PRDX2: variants seen among roughly 807,000 people sequenced by gnomAD.
PRDX2 encodes peroxiredoxin 2.
PRDX2 carries 10 observed loss-of-function variants against 19.8 expected under a neutral mutation model. The observed-to-expected ratio is 0.50, with a 90% confidence interval of 0.31 to 0.86. PRDX2 has a LOEUF of 0.86. Ranked by LOEUF, PRDX2 falls within the 40% of genes least tolerant of loss-of-function variation. The pLI, the probability that PRDX2 is intolerant of heterozygous loss-of-function variation, is 0.04. For synonymous variants in PRDX2, 118 were observed against 108.2 expected, an observed-to-expected ratio of 1.09 and a Z score of -0.56; for missense variants, 226 against 260.1, an observed-to-expected ratio of 0.87 and a Z score of 0.90.
At chr19:12,800,105 C>T (rs1968861853) in intron 4 of PRDX2, 72 bp downstream of exon 4, 2 of 1,601,580 alleles carry the variant, frequency 1.2e-6, no homozygotes, top group African/African-American at 2.7e-5. Context: ...AGACATTGTA[C>T]AGGAGTGGTC....
rs1826189049 is a variant in PRDX2, at chr19:12,801,023, C to T, written c.150G>A (p.Val50=). 4 of 1,612,118 alleles carry T rather than the reference C, an allele frequency of 2.5e-6. No homozygotes were observed. The highest frequency in any genetic ancestry group is 1.1e-5 in the South Asian group (1 of 91,024). The change falls in exon 3 of 6, where the codon GTG becomes GTA. Residue 50 remains valine (V), a synonymous_variant. Coordinates refer to ENST00000301522, the MANE Select transcript of PRDX2 (RefSeq NM_005809.6). ...LFFYPLDFTF[V]CPTEIIAFSN... ...TGAACGCGATGATCTCGGTGGGGCACACAAAAGTGAAGTCCAGAGGGTAGA... is the reference window on the plus strand; with the variant it reads ...TGAACGCGATGATCTCGGTGGGGCATACAAAAGTGAAGTCCAGAGGGTAGA...
chr19:12,797,277 C>G, intron 5 of PRDX2, 111 bp from the exon 6 acceptor site: 4 of 827,940 alleles, frequency 4.8e-6, no homozygotes, highest in Non-Finnish European at 6.0e-6. Context: ...GGTCCAGGCC[C>G]AGGAATGTGG....
At chr19:12,800,096 G>T in intron 4 of PRDX2, 81 bp downstream of exon 4, 2 of 1,599,008 alleles carry the variant, frequency 1.3e-6, no homozygotes, top group Non-Finnish European at 1.7e-6. Flanking sequence ...GGGCAGAGAA[G>T]ACATTGTACA....
At position 12,801,030 on chromosome 19, in the gene PRDX2, G is replaced by C. The variant is rs372393188; in HGVS notation, c.143C>G (p.Thr48Ser). Residue 48 changes from threonine to serine, a missense_variant, in exon 3 of 6, where the codon ACT becomes AGT. By Grantham distance (58) the Thr-to-Ser change is moderately conservative. Transcript: ENST00000301522. ...VVLFFYPLDF[T>S]FVCPTEIIAF... ...GATGATCTCGGTGGGGCACACAAAA[G>C]TGAAGTCCAGAGGGTAGAAAAAGAG... is the stretch of plus-strand genomic sequence containing the variant. 1.7e-5 allele frequency: 28 copies of C among 1,605,458 alleles called. No homozygotes were observed. The highest frequency in any genetic ancestry group is 2.3e-5 in the Non-Finnish European group (27 of 1,176,144).
At chr19:12,800,148 C>T in intron 4 of PRDX2, 29 bp downstream of exon 4, 1 of 1,610,458 alleles carries the variant, frequency 6.2e-7, no homozygotes, top group African/African-American at 1.3e-5. Context: ...CAGGGCGCTC[C>T]CTGAGCCGGG....
intron 3 of PRDX2, 159 bp from the exon 4 acceptor site, chr19:12,800,458 G>A: frequency 1.0e-6 from 1 of 985,854 alleles, no homozygotes; most frequent in Non-Finnish European, 1.5e-6. Flanking sequence ...TGGGTGCAAG[G>A]ACTGTATCCC....
intron 5 of PRDX2, among the ~76,000 whole-genome samples, chr19:12,798,970 C>T (rs559510207): frequency 4.6e-5 from 7 of 151,864 alleles, no homozygotes; most frequent in African/African-American, 7.2e-5. Context: ...GGTGTGATCT[C>T]GGCTTACTGC....
At chr19:12,799,204 G>A (rs1380352006) in intron 5 of PRDX2, among the ~76,000 whole-genome samples, 10 of 151,756 alleles carry the variant, frequency 6.6e-5, no homozygotes, top group Admixed American at 4.6e-4. Context: ...CGGCCTGTTT[G>A]TTTGTTTTTT....
intron 5 of PRDX2, among the ~76,000 whole-genome samples, chr19:12,798,495 G>T (rs944378118): frequency 5.3e-5 from 8 of 151,942 alleles, no homozygotes; most frequent in African/African-American, 1.9e-4. Context: ...GGGATTACAG[G>T]CATGCACCAC....
At chr19:12,798,912 T>A (rs937846707) in intron 5 of PRDX2, among the ~76,000 whole-genome samples, 2 of 151,906 alleles carry the variant, frequency 1.3e-5, no homozygotes, top group Non-Finnish European at 2.9e-5. Context: ...TTTGTTGTTG[T>A]TGTTTTTGAG....
At position 12,799,928 on chromosome 19, in the gene PRDX2, C is replaced by T. The variant is rs1481949012; in HGVS notation, c.442G>A (p.Val148Met). ...LRQITVNDLPVGRSVDEALRL... is the reference protein window; with the variant it reads ...LRQITVNDLPMGRSVDEALRL... The stretch of plus-strand genomic sequence containing the variant: ...AGAGCCTCATCCACGGAGCGTCCCA[C>T]AGGCAAATCATTAACAGTGATCTGG... The change falls in exon 5 of 6, where the codon GTG becomes ATG. Residue 148 changes from valine to methionine, a missense_variant. Val to Met is a conservative substitution (Grantham distance 21). Coordinates refer to ENST00000301522, the MANE Select transcript of PRDX2 (RefSeq NM_005809.6). 1.9e-6 allele frequency: 3 copies of T among 1,613,892 alleles called. No individual in the cohort carries two copies. Among genetic ancestry groups the T allele is most frequent in the African/African-American group, 1.3e-5 (1 of 74,886 alleles).
chr19:12,801,294 C>G (rs765871050), intron 1 of PRDX2, 24 bp from the exon 2 acceptor site: 2 of 1,586,916 alleles, frequency 1.3e-6, no homozygotes, highest in East Asian at 4.7e-5. Context: ...CCGGTCAGTG[C>G]GCCCGGGAAG....
chr19:12,796,933 C>T lies in PRDX2; in HGVS notation c.*148G>A. On this transcript the variant is annotated 3_prime_UTR_variant, in exon 6 of 6. Coordinates refer to ENST00000301522, the MANE Select transcript of PRDX2 (RefSeq NM_005809.6). ...AGGTGGAGGCATGAGAAGGCCTTGGCCTAGCCCTCCAGGGTCCCATACTGT... is the reference window on the plus strand; with the variant it reads ...AGGTGGAGGCATGAGAAGGCCTTGGTCTAGCCCTCCAGGGTCCCATACTGT... The T allele has an allele frequency of 1.4e-6, 1 of 733,140 alleles. No individual in the cohort carries two copies. The highest frequency in any genetic ancestry group is 2.2e-6 in the Non-Finnish European group (1 of 451,492). The allele number at this position is 733,140 out of a possible 1,614,324, so 45.4% of individuals were successfully genotyped here.
rs1224324320 is a variant in PRDX2, at chr19:12,800,393, G to C, written c.258-94C>G. ...CCAATGTGATAAGCACTGGAGGCCGGAGATAAGGGGCTTTAGAGTAGGCCG... is the reference window on the plus strand; with the variant it reads ...CCAATGTGATAAGCACTGGAGGCCGCAGATAAGGGGCTTTAGAGTAGGCCG... On this transcript the variant is annotated intron_variant, in intron 3 of 5. Coordinates refer to ENST00000301522, the MANE Select transcript of PRDX2 (RefSeq NM_005809.6). 2.7e-6 allele frequency: 4 copies of C among 1,487,096 alleles called. No individual in the cohort carries two copies. In the African/African-American group the frequency reaches 5.6e-5, roughly 21 times the overall value. 92.1% of individuals were successfully genotyped at this position (1,487,096 alleles called of 1,614,324 possible).
In PRDX2 at chr19:12,801,071, T is replaced by G; in HGVS notation, c.104-2A>C. The G allele has an allele frequency of 6.2e-7, 1 of 1,611,490 alleles. No homozygotes were observed. ...AGAAAAAGAGGACCACGTACTTCCCTGGGGAGGAGGGACACAGAGGAGTTA... is the reference window on the plus strand; with the variant it reads ...AGAAAAAGAGGACCACGTACTTCCCGGGGGAGGAGGGACACAGAGGAGTTA... On this transcript the variant is annotated splice_acceptor_variant, in intron 2 of 5. Coordinates refer to ENST00000301522, the MANE Select transcript of PRDX2 (RefSeq NM_005809.6). LOFTEE classifies it high-confidence loss of function.
chr19:12,797,536 C>A (rs936281077), intron 5 of PRDX2, among the ~76,000 whole-genome samples: 27 of 151,994 alleles, frequency 1.8e-4, no homozygotes, highest in Non-Finnish European at 2.1e-4. Context: ...GTCTCGAACT[C>A]CTGACCTCAA....
In PRDX2 at chr19:12,800,995, T is replaced by G. The variant is rs769899293; in HGVS notation, c.178A>C (p.Asn60His). Residue 60 changes from asparagine (N) to histidine (H), a missense_variant, in exon 3 of 6, where the codon AAC becomes CAC. Transcript: ENST00000301522. ...AGCTTGCGGAAGTCCTCTGCACGGT[T>G]GCTGAACGCGATGATCTCGGTGGGG... ...VCPTEIIAFS[N>H]RAEDFRKLGC... The G allele has an allele frequency of 5.6e-6, 9 of 1,612,402 alleles. No individual in the cohort carries two copies. The highest frequency in any genetic ancestry group is 6.8e-6 in the Non-Finnish European group (8 of 1,179,788).
intron 4 of PRDX2, 94 bp from the exon 5 acceptor site, chr19:12,800,083 T>TG (rs1024642758): frequency 1.3e-6 from 2 of 1,598,458 alleles, no homozygotes; most frequent in South Asian, 2.2e-5. Context: ...GCCACAGGGC[T>TG]GGGGGCAGAG....
intron 1 of PRDX2, 76 bp from the exon 2 acceptor site, chr19:12,801,346 C>A: frequency 7.0e-7 from 1 of 1,434,618 alleles, no homozygotes; most frequent in Non-Finnish European, 9.6e-7. Flanking sequence ...GCGTGCTGGG[C>A]CCTATGACTG....
Sources: gnomAD v4.1 joint callset for allele counts (sites outside exome capture counted in the v4.1 genomes callset) on GRCh38, gnomAD v4.1.1 for gene constraint, MANE v1.5 for transcripts, NCBI Gene and HGNC (gene_info 2026-07-23, HGNC 2026-07-21) for gene names.